IL1RAPL1: variants seen among roughly 807,000 people sequenced by gnomAD.
IL1RAPL1 encodes interleukin-1 receptor accessory protein-like 1.
Under a neutral mutation model 48.4 loss-of-function variants are expected in IL1RAPL1, and 3 were observed. That is an observed-to-expected ratio of 0.06 (90% CI 0.03 to 0.16). IL1RAPL1 has a LOEUF of 0.16. Ranked by LOEUF, IL1RAPL1 falls within the 10% of genes least tolerant of loss-of-function variation. The pLI is 1.00. For synonymous variants in IL1RAPL1, 185 were observed against 187.7 expected, an observed-to-expected ratio of 0.99 and a Z score of 0.12; for missense variants, 349 against 530.6, an observed-to-expected ratio of 0.66 and a Z score of 3.36.
At chrX:28,745,721 A>G (rs1935968178) in intron 1 of IL1RAPL1, among the ~76,000 whole-genome samples, 1 of 111,816 alleles carries the variant, frequency 8.9e-6, no homozygotes, top group Admixed American at 9.5e-5. Context: ...GCACATAAAC[A>G]TTTTGAAGTA....
At chrX:29,310,002 G>A (rs1323800177) in intron 3 of IL1RAPL1, among the ~76,000 whole-genome samples, 3 of 102,554 alleles carry the variant, frequency 2.9e-5, no homozygotes, top group Non-Finnish European at 3.9e-5. Flanking sequence ...GCTGAGGCAG[G>A]AGAATGGCGT....
chrX:29,623,106 TAA>T (rs752740069), intron 5 of IL1RAPL1, among the ~76,000 whole-genome samples: 38 of 78,544 alleles, frequency 4.8e-4, no homozygotes, highest in Admixed American at 2.9e-4. Flanking sequence ...CTGTCTCCAC[TAA>T]AAAAAAAAAA....
intron 2 of IL1RAPL1, among the ~76,000 whole-genome samples, chrX:29,138,515 C>G (rs1353800412): frequency 9.9e-5 from 11 of 110,735 alleles, no homozygotes; most frequent in Non-Finnish European, 2.1e-4. Context: ...TGCCGGTAAT[C>G]CCGGCACTTT....
intron 2 of IL1RAPL1, among the ~76,000 whole-genome samples, chrX:28,985,459 G>A (rs1925442229): frequency 9.0e-6 from 1 of 111,432 alleles, no homozygotes; most frequent in Non-Finnish European, 1.9e-5. Flanking sequence ...TGTTCTTTAT[G>A]GTTTCATAGA....
chrX:28,737,114 TTTCC>T (rs546731314), intron 1 of IL1RAPL1, among the ~76,000 whole-genome samples: 5,703 of 35,101 alleles, frequency 0.16, 369 homozygotes, highest in Non-Finnish European at 0.22. Context: ...TTTCTCTTCT[TTTCC>T]TTCCTTCCTT....
In IL1RAPL1 at chrX:29,010,764, A is replaced by G. The variant is rs758195970; in HGVS notation, c.82+221339A>G. Among the ~76,000 whole-genome samples the G allele has an allele frequency of 7.2e-5, 8 of 111,664 alleles. No homozygotes were observed. The South Asian group carries it at 3.0e-3, about 42-fold the overall frequency. The stretch of plus-strand genomic sequence containing the variant: ...TGATCCCTTGGGCTTAAACTGCCAG[A>G]TCATGCCAAAGACTGGCTTTGTCAC... On this transcript the variant is annotated intron_variant, in intron 2 of 10. Coordinates refer to ENST00000378993, the MANE Select transcript of IL1RAPL1 (RefSeq NM_014271.4).
intron 2 of IL1RAPL1, among the ~76,000 whole-genome samples, chrX:29,263,685 C>A (rs1931899500): frequency 9.0e-6 from 1 of 111,471 alleles, no homozygotes; most frequent in Non-Finnish European, 1.9e-5. Flanking sequence ...CCCAATCATC[C>A]ATATTAGGCT....
chrX:29,334,751 A>G (rs1979833923), intron 3 of IL1RAPL1, among the ~76,000 whole-genome samples: 1 of 112,375 alleles, frequency 8.9e-6, no homozygotes, highest in African/African-American at 3.2e-5. Context: ...CACTTCCTAG[A>G]TGGGATGGCG....
chrX:29,574,724 A>G (rs1922718739), intron 5 of IL1RAPL1, among the ~76,000 whole-genome samples: 1 of 111,599 alleles, frequency 9.0e-6, no homozygotes, highest in African/African-American at 3.3e-5. Context: ...ACCCTCTGCT[A>G]CCCTTTTAAA....
chrX:29,362,381 C>T (rs780644254), intron 3 of IL1RAPL1, among the ~76,000 whole-genome samples: 1 of 112,030 alleles, frequency 8.9e-6, no homozygotes, highest in Non-Finnish European at 1.9e-5. Context: ...GCAACACCTT[C>T]ATAGTTACTG....
At chrX:29,647,405 A>G (rs922782313) in intron 5 of IL1RAPL1, among the ~76,000 whole-genome samples, 27 of 109,773 alleles carry the variant, frequency 2.5e-4, no homozygotes, top group African/African-American at 8.3e-4. Flanking sequence ...AATTCCTTAT[A>G]TCTTTAGTAA....
chrX:29,531,747 T>TGC (rs1256385522), intron 5 of IL1RAPL1, among the ~76,000 whole-genome samples: 1 of 112,245 alleles, frequency 8.9e-6, no homozygotes, highest in African/African-American at 3.2e-5. Context: ...GATTCTTCCT[T>TGC]GCCTCTTCTT....
At chrX:29,504,420 T>C (rs1935307252) in intron 5 of IL1RAPL1, among the ~76,000 whole-genome samples, 1 of 111,993 alleles carries the variant, frequency 8.9e-6, no homozygotes, top group South Asian at 3.7e-4. Flanking sequence ...TGTCCATTAC[T>C]TATATTGAAG....
intron 1 of IL1RAPL1, among the ~76,000 whole-genome samples, chrX:28,665,451 T>A (rs746984817): frequency 1.8e-5 from 2 of 112,189 alleles, no homozygotes; most frequent in Non-Finnish European, 3.8e-5. Flanking sequence ...GTATTTTTAT[T>A]TACTAAATAT....
intron 5 of IL1RAPL1, among the ~76,000 whole-genome samples, chrX:29,630,329 A>G (rs1266058411): frequency 9.0e-6 from 1 of 111,646 alleles, no homozygotes; most frequent in East Asian, 2.8e-4. Flanking sequence ...GGGGACATAA[A>G]CATTTAGATC....
At chrX:28,951,621 A>G (rs1924469000) in intron 2 of IL1RAPL1, among the ~76,000 whole-genome samples, 1 of 111,120 alleles carries the variant, frequency 9.0e-6, no homozygotes, top group African/African-American at 3.3e-5. Context: ...GCTTAGCCTC[A>G]TTAGAGTGAA....
At chrX:28,957,402 T>A (rs899490711) in intron 2 of IL1RAPL1, among the ~76,000 whole-genome samples, 24 of 112,182 alleles carry the variant, frequency 2.1e-4, no homozygotes, top group African/African-American at 7.4e-4. Context: ...ATAACTAAAT[T>A]TTAAATATTT....
intron 3 of IL1RAPL1, among the ~76,000 whole-genome samples, chrX:29,363,776 C>T (rs890858483): frequency 2.7e-5 from 3 of 110,557 alleles, no homozygotes; most frequent in African/African-American, 1.0e-4. Flanking sequence ...GACCAGATCT[C>T]GTGAGAACTC....
chrX:29,401,679 TAAAAA>T (rs11336384), intron 5 of IL1RAPL1, among the ~76,000 whole-genome samples: 2 of 98,829 alleles, frequency 2.0e-5, no homozygotes, highest in African/African-American at 7.3e-5. Flanking sequence ...AATGTCACTT[TAAAAA>T]AAAAAAAAAG....
Sources: gnomAD v4.1 joint callset for allele counts (sites outside exome capture counted in the v4.1 genomes callset) on GRCh38, gnomAD v4.1.1 for gene constraint, MANE v1.5 for transcripts, NCBI Gene and HGNC (gene_info 2026-07-23, HGNC 2026-07-21) for gene names.